Variants in ITCH observed in about 807,000 individuals in gnomAD.
The protein encoded by ITCH is E3 ubiquitin-protein ligase Itchy homolog.
In ITCH, 28 loss-of-function variants were observed where a neutral mutation model predicts 126.8. The ratio of observed to expected loss-of-function variants is 0.22; its 90% CI spans 0.16 to 0.30. ITCH has a LOEUF of 0.30. Ranked by LOEUF, ITCH falls within the 10% of genes least tolerant of loss-of-function variation. ITCH has a pLI of 1.00. For missense variants in ITCH, 631 were observed against 1,032.4 expected (o/e 0.61, Z 5.33); for synonymous variants, 342 against 340.0 (o/e 1.01, Z -0.06).
rs184131264 is a variant in ITCH, at chr20:34,410,743, C to T, written c.213-1772C>T. ...AAAAGGTCGCAGCCTCCATGATTACCAGAGATGTTCAGTTGAATTAGATGG... is the reference window on the plus strand; with the variant it reads ...AAAAGGTCGCAGCCTCCATGATTACTAGAGATGTTCAGTTGAATTAGATGG... On this transcript the variant is annotated intron_variant, in intron 4 of 24. Transcript: ENST00000374864. 2.0e-5 allele frequency among the ~76,000 whole-genome samples: 3 copies of T among 152,278 alleles called. No homozygotes were observed. In the East Asian group the frequency reaches 5.8e-4, roughly 29 times the overall value.
At chr20:34,484,401 C>G (rs1317058234) in intron 20 of ITCH, among the ~76,000 whole-genome samples, 2 of 152,162 alleles carry the variant, frequency 1.3e-5, no homozygotes, top group East Asian at 3.8e-4. Flanking sequence ...GTCATTATTT[C>G]TTGGACAACA....
At chr20:34,492,705 TC>T in intron 23 of ITCH, 108 bp downstream of exon 23, 1 of 769,126 alleles carries the variant, frequency 1.3e-6, no homozygotes, top group East Asian at 2.6e-5. Flanking sequence ...ATAGCCATTT[TC>T]TTAACTATTC....
chr20:34,506,339 C>T (rs767750027), intron 24 of ITCH, among the ~76,000 whole-genome samples: 1 of 152,210 alleles, frequency 6.6e-6, no homozygotes, highest in Non-Finnish European at 1.5e-5. Flanking sequence ...GCTGGAATTA[C>T]AGGCCATCAT....
At chr20:34,371,642 A>G (rs2037635223) in intron 2 of ITCH, among the ~76,000 whole-genome samples, 1 of 152,140 alleles carries the variant, frequency 6.6e-6, no homozygotes, top group Admixed American at 6.6e-5. Context: ...TGTGATAGCT[A>G]CTATAAAGCA....
chr20:34,428,683 G>A (rs1485900694), intron 7 of ITCH, among the ~76,000 whole-genome samples: 1 of 152,050 alleles, frequency 6.6e-6, no homozygotes, highest in Non-Finnish European at 1.5e-5. Context: ...CTCCCGAAGT[G>A]TTGGGATTAC....
At chr20:34,493,017 A>G (rs1461323642) in intron 23 of ITCH, among the ~76,000 whole-genome samples, 1 of 152,238 alleles carries the variant, frequency 6.6e-6, no homozygotes, top group Non-Finnish European at 1.5e-5. Flanking sequence ...ATGGATTCAT[A>G]TCTTCATCTT....
chr20:34,410,869 G>GA (rs1273083372), intron 4 of ITCH, among the ~76,000 whole-genome samples: 1 of 152,184 alleles, frequency 6.6e-6, no homozygotes, highest in South Asian at 2.1e-4. Context: ...TAAAAGTTAA[G>GA]AAAAAAACTC....
In ITCH at chr20:34,442,549, C is replaced by T. The variant is rs369580315; in HGVS notation, c.965+246C>T. Among the ~76,000 whole-genome samples, 111 of 152,224 alleles carry T rather than the reference C, an allele frequency of 7.3e-4. 1 individual carries two copies. Among genetic ancestry groups the T allele is most frequent in the African/African-American group, 2.6e-3 (106 of 41,558 alleles). ...TCTTTATTTTATAGAAACAACATCT[C>T]GCTATGTCGCCCAGGCTGGTTTTTA... On this transcript the variant is annotated intron_variant, in intron 10 of 24. Coordinates refer to ENST00000374864, the MANE Select transcript of ITCH (RefSeq NM_031483.7).
intron 2 of ITCH, among the ~76,000 whole-genome samples, chr20:34,391,950 CAATA>C (rs1032996846): frequency 6.6e-6 from 1 of 152,068 alleles, no homozygotes; most frequent in African/African-American, 2.4e-5. Context: ...CATTTTCTTG[CAATA>C]AATTATTAGT....
chr20:34,460,256 A>G (rs1986384571), intron 13 of ITCH, among the ~76,000 whole-genome samples: 1 of 151,538 alleles, frequency 6.6e-6, no homozygotes. Flanking sequence ...TGACATGATC[A>G]TGGCTTGCTG....
intron 4 of ITCH, 56 bp downstream of exon 4, chr20:34,408,848 A>G: frequency 6.4e-7 from 1 of 1,555,578 alleles, no homozygotes; most frequent in Non-Finnish European, 8.8e-7. Context: ...GATTGGAAAT[A>G]CAATTTAAAA....
At chr20:34,507,558 C>T (rs1990718281) in intron 24 of ITCH, 137 bp from the exon 25 acceptor site, 4 of 674,546 alleles carry the variant, frequency 5.9e-6, no homozygotes, top group African/African-American at 3.6e-5. Context: ...TGGGTTATTT[C>T]ACTTTCTTGA....
chr20:34,412,256 A>G (rs1979145630), intron 4 of ITCH, among the ~76,000 whole-genome samples: 1 of 152,218 alleles, frequency 6.6e-6, no homozygotes, highest in Admixed American at 6.5e-5. Flanking sequence ...GTTGCAGGAT[A>G]AGCAGTTTTA....
chr20:34,414,329 G>A (rs895680044), intron 6 of ITCH, among the ~76,000 whole-genome samples: 1 of 151,902 alleles, frequency 6.6e-6, no homozygotes, highest in Admixed American at 6.6e-5. Context: ...GATTTATATA[G>A]TATTTATTCT....
intron 17 of ITCH, 39 bp from the exon 18 acceptor site, chr20:34,479,591 C>T (rs746225993): frequency 1.3e-5 from 20 of 1,579,682 alleles, no homozygotes; most frequent in Admixed American, 5.0e-5. Flanking sequence ...TCTTGGTAAC[C>T]TACAAGATTT....
chr20:34,454,141 CT>C (rs1296651082), intron 12 of ITCH, among the ~76,000 whole-genome samples: 367 of 142,308 alleles, frequency 2.6e-3, no homozygotes, highest in African/African-American at 4.2e-3. Context: ...TTATGTTTTT[CT>C]TTTTTTTTTT....
intron 10 of ITCH, 109 bp from the exon 11 acceptor site, chr20:34,445,178 A>T (rs111487081): frequency 8.4e-7 from 1 of 1,194,924 alleles, no homozygotes; most frequent in African/African-American, 1.5e-5. Context: ...TTAAAAATAC[A>T]TAAAAGACTC....
intron 3 of ITCH, chr20:34,402,533 C>T (rs1338033330): frequency 1.3e-6 from 1 of 744,262 alleles, no homozygotes; most frequent in Non-Finnish European, 2.5e-6. Flanking sequence ...TCATAATCCT[C>T]TTGCTCTGCA....
chr20:34,410,308 C>T (rs1978815020), intron 4 of ITCH, among the ~76,000 whole-genome samples: 1 of 150,934 alleles, frequency 6.6e-6, no homozygotes. Context: ...GCGGAGGTTG[C>T]AGGTTGCAGT....
Sources: allele counts gnomAD v4.1 joint callset (sites outside exome capture counted in the v4.1 genomes callset), GRCh38; gene constraint gnomAD v4.1.1; transcripts MANE v1.5; gene names NCBI Gene and HGNC (gene_info 2026-07-23, HGNC 2026-07-21).